CLSTN2: variants seen among roughly 807,000 people sequenced by gnomAD.
CLSTN2 encodes the protein calsyntenin-2.
A neutral mutation model predicts 101.2 loss-of-function variants in CLSTN2; 48 were observed. The ratio of observed to expected loss-of-function variants is 0.47; its 90% CI spans 0.38 to 0.60. The LOEUF (loss-of-function observed/expected upper bound fraction) is 0.60. CLSTN2 is among the 20% of genes least tolerant of loss of function. The probability of loss-of-function intolerance (pLI) is 0.00; values close to 1 mark genes in which losing one functional copy is unlikely to be tolerated. For synonymous variants in CLSTN2, 481 were observed against 463.6 expected (o/e 1.04, Z -0.48); for missense variants, 1,160 against 1,238.2 (o/e 0.94, Z 0.95).
At position 140,571,110 on chromosome 3, in the gene CLSTN2, C is replaced by T. The variant is rs1009896730; in HGVS notation, c.*4857C>T. On this transcript the variant is annotated 3_prime_UTR_variant, in exon 17 of 17. Coordinates refer to ENST00000458420, the MANE Select transcript of CLSTN2 (RefSeq NM_022131.3). Reference sequence around the variant, plus strand: ...TAACTCCACTGAGGCAAGTGTTAGCCCCCCAAGGCTCAGTGCCTTCCCAGC... The same window carrying T: ...TAACTCCACTGAGGCAAGTGTTAGCTCCCCAAGGCTCAGTGCCTTCCCAGC... 6.6e-6 allele frequency: 1 copy of T among 152,162 alleles called. No homozygotes were observed. The highest frequency in any genetic ancestry group is 2.4e-5 in the African/African-American group (1 of 41,418). The allele number at this position is 152,162 out of a possible 1,614,324, so 9.4% of individuals were successfully genotyped here.
chr3:140,223,997 C>A (rs2086297879), intron 2 of CLSTN2, among the ~76,000 whole-genome samples: 1 of 152,188 alleles, frequency 6.6e-6, no homozygotes, highest in Non-Finnish European at 1.5e-5. Flanking sequence ...CTCTGGAAGG[C>A]TGCATCCAGA....
intron 1 of CLSTN2, among the ~76,000 whole-genome samples, chr3:140,160,225 A>G (rs946882323): frequency 6.6e-6 from 1 of 152,150 alleles, no homozygotes; most frequent in African/African-American, 2.4e-5. Flanking sequence ...GAGTTAATGT[A>G]TATTTAGAGT....
chr3:140,184,275 A>G (rs2010453486), intron 2 of CLSTN2, among the ~76,000 whole-genome samples: 1 of 152,196 alleles, frequency 6.6e-6, no homozygotes, highest in African/African-American at 2.4e-5. Flanking sequence ...TCACACTGCT[A>G]TGTAAAGAAC....
At chr3:140,128,223 C>A (rs2009467165) in intron 1 of CLSTN2, among the ~76,000 whole-genome samples, 1 of 152,032 alleles carries the variant, frequency 6.6e-6, no homozygotes, top group African/African-American at 2.4e-5. Flanking sequence ...AAATAGAATT[C>A]CATTTGAAAA....
chr3:140,189,168 T>C (rs1051695928), intron 2 of CLSTN2, among the ~76,000 whole-genome samples: 1 of 152,204 alleles, frequency 6.6e-6, no homozygotes, highest in African/African-American at 2.4e-5. Context: ...TTTTAACCAT[T>C]CCTTATTACC....
At chr3:140,383,573 T>G (rs1295382298) in intron 2 of CLSTN2, among the ~76,000 whole-genome samples, 1 of 152,168 alleles carries the variant, frequency 6.6e-6, no homozygotes, top group Non-Finnish European at 1.5e-5. Flanking sequence ...TTTTCTGAGG[T>G]ATACAGAATT....
chr3:140,278,358 T>TG (rs5852976), intron 2 of CLSTN2, among the ~76,000 whole-genome samples: 142,617 of 152,194 alleles, frequency 0.94, 67,014 homozygotes, highest in Non-Finnish European at 0.97. Flanking sequence ...GGCTCAACAC[T>TG]TGAGCGAGCG....
intron 1 of CLSTN2, among the ~76,000 whole-genome samples, chr3:140,011,412 A>G (rs2007070368): frequency 1.3e-5 from 2 of 152,112 alleles, no homozygotes; most frequent in South Asian, 4.2e-4. Context: ...ACTGCAGACC[A>G]CCAGCTCTTC....
intron 5 of CLSTN2, among the ~76,000 whole-genome samples, chr3:140,444,549 G>T (rs989708323): frequency 6.6e-6 from 1 of 152,216 alleles, no homozygotes; most frequent in African/African-American, 2.4e-5. Flanking sequence ...TTAAGTGAAA[G>T]GATAGGTATA....
At chr3:140,207,753 C>T (rs2010802564) in intron 2 of CLSTN2, among the ~76,000 whole-genome samples, 1 of 151,872 alleles carries the variant, frequency 6.6e-6, no homozygotes, top group Non-Finnish European at 1.5e-5. Context: ...GTGTATACAT[C>T]GTTAGTATTA....
intron 2 of CLSTN2, among the ~76,000 whole-genome samples, chr3:140,361,880 T>C (rs972928586): frequency 4.6e-5 from 7 of 152,174 alleles, no homozygotes; most frequent in Non-Finnish European, 8.8e-5. Flanking sequence ...AAAGCTTCAA[T>C]ATTATTATAA....
Position 140,427,246 on chromosome 3 carries a change from C to CACACAT in CLSTN2, c.787+5973_787+5974insCACATA, listed in dbSNP as rs1553742796. ...ATATGTGTGTATATATATATATATA[C>CACACAT]ATATATATATACATAAATTAAAAAA... is the stretch of plus-strand genomic sequence containing the variant. On this transcript the variant is annotated intron_variant, in intron 5 of 16. Transcript: ENST00000458420. Among the ~76,000 whole-genome samples the CACACAT allele has an allele frequency of 6.7e-4, 73 of 109,198 alleles. No individual in the cohort carries two copies. In the East Asian group the frequency reaches 0.017, roughly 25 times the overall value. 71.6% of individuals were successfully genotyped at this position (109,198 alleles called of 152,430 possible). A position where few individuals can be genotyped will look rare whatever the true frequency, so the allele number is the denominator to read the frequency against.
chr3:140,292,751 T>C (rs952579553), intron 2 of CLSTN2, among the ~76,000 whole-genome samples: 4 of 152,224 alleles, frequency 2.6e-5, no homozygotes, highest in Non-Finnish European at 4.4e-5. Context: ...CATAGCAATA[T>C]AGCCGTCATG....
chr3:140,306,215 C>T (rs985013190), intron 2 of CLSTN2, among the ~76,000 whole-genome samples: 7 of 152,162 alleles, frequency 4.6e-5, no homozygotes, highest in African/African-American at 1.7e-4. Context: ...CTGTGTTAAA[C>T]ACAAAATGCT....
At chr3:140,252,284 A>G (rs773776590) in intron 2 of CLSTN2, among the ~76,000 whole-genome samples, 52 of 152,310 alleles carry the variant, frequency 3.4e-4, no homozygotes, top group Non-Finnish European at 6.6e-4. Flanking sequence ...GTGAAACTCA[A>G]GGCTTACATT....
chr3:139,947,449 G>A (rs1466013761), intron 1 of CLSTN2, among the ~76,000 whole-genome samples: 1 of 152,156 alleles, frequency 6.6e-6, no homozygotes, highest in Non-Finnish European at 1.5e-5. Flanking sequence ...GAACTAAAAT[G>A]TTATCATTCA....
chr3:140,243,355 A>G (rs1454306350), intron 2 of CLSTN2, among the ~76,000 whole-genome samples: 1 of 152,236 alleles, frequency 6.6e-6, no homozygotes, highest in Non-Finnish European at 1.5e-5. Flanking sequence ...TGGGTAAATG[A>G]TAAGTCAGTA....
At chr3:140,068,487 T>G (rs915648582) in intron 1 of CLSTN2, among the ~76,000 whole-genome samples, 1 of 152,242 alleles carries the variant, frequency 6.6e-6, no homozygotes, top group Non-Finnish European at 1.5e-5. Context: ...CTTGAAAGAA[T>G]CCCTGGGTAC....
At chr3:140,339,439 C>T (rs1559843073) in intron 2 of CLSTN2, among the ~76,000 whole-genome samples, 2 of 152,152 alleles carry the variant, frequency 1.3e-5, no homozygotes, top group African/African-American at 4.8e-5. Flanking sequence ...TAATCACTTA[C>T]TCTTAGAATC....
Sources: gnomAD v4.1 joint callset for allele counts (sites outside exome capture counted in the v4.1 genomes callset) on GRCh38, gnomAD v4.1.1 for gene constraint, MANE v1.5 for transcripts, NCBI Gene and HGNC (gene_info 2026-07-23, HGNC 2026-07-21) for gene names.